MYSM1: variants seen among roughly 807,000 people sequenced by gnomAD.
MYSM1 encodes the protein Myb like, SWIRM and MPN domains 1, also known as deubiquitinase MYSM1.
A neutral mutation model predicts 116.0 loss-of-function variants in MYSM1; 51 were observed. The observed-to-expected ratio is 0.44, with a 90% CI of 0.35 to 0.56. The LOEUF is 0.56. Among genes scored for constraint, MYSM1 ranks in the 20% least tolerant of loss-of-function variants. MYSM1 has a pLI of 0.00. For missense variants in MYSM1, 900 were observed against 974.9 expected (o/e 0.92, Z 1.02); for synonymous variants, 313 against 315.2 (o/e 0.99, Z 0.07).
At chr1:58,661,555 A>C in intron 17 of MYSM1, 44 bp from the exon 18 acceptor site, 1 of 1,087,596 alleles carries the variant, frequency 9.2e-7, no homozygotes, top group South Asian at 1.3e-5. Context: ...CTATTTCTTA[A>C]CTCTCCAATC....
intron 1 of MYSM1, among the ~76,000 whole-genome samples, 185 bp from the exon 2 acceptor site, chr1:58,695,392 T>C (rs1644960075): frequency 6.6e-6 from 1 of 152,178 alleles, no homozygotes; most frequent in Admixed American, 6.5e-5. Context: ...GTGAAACACG[T>C]GGTAGTGCTA....
chr1:58,676,661 A>G, intron 9 of MYSM1: 1 of 242,728 alleles, frequency 4.1e-6, no homozygotes, highest in South Asian at 5.3e-5. Context: ...TTTATCTGCT[A>G]AAGAACTGTA....
chr1:58,665,666 T>G (rs1454423157), intron 16 of MYSM1, 35 bp from the exon 17 acceptor site: 1 of 1,373,070 alleles, frequency 7.3e-7, no homozygotes, highest in South Asian at 1.3e-5. Flanking sequence ...TAGTTTCAAC[T>G]ATATAAATTC....
intron 11 of MYSM1, 136 bp downstream of exon 11, chr1:58,673,437 C>T (rs899107401): frequency 4.2e-6 from 3 of 719,960 alleles, no homozygotes; most frequent in Non-Finnish European, 6.9e-6. Flanking sequence ...CTGGTGACTT[C>T]CAGACAAATT....
intron 2 of MYSM1, among the ~76,000 whole-genome samples, chr1:58,694,601 CAAAG>C (rs1044346253): frequency 1.0e-4 from 15 of 148,506 alleles, no homozygotes; most frequent in African/African-American, 3.7e-4. Context: ...AGCCTGGCGA[CAAAG>C]AGACTGCATC....
chr1:58,687,752 T>C (rs887810120), intron 6 of MYSM1, among the ~76,000 whole-genome samples: 1 of 152,194 alleles, frequency 6.6e-6, no homozygotes, highest in Non-Finnish European at 1.5e-5. Flanking sequence ...TGCCTCATCA[T>C]GGGAACATCT....
rs1644306674 is a variant in MYSM1, at chr1:58,655,415, T to TTCTGTTTAGAGC, written c.*4581_*4582insGCTCTAAACAGA. 6.6e-6 allele frequency: 1 copy of TTCTGTTTAGAGC among 152,178 alleles called. No homozygotes were observed. The highest frequency in any genetic ancestry group is 2.4e-5 in the African/African-American group (1 of 41,456). 9.4% of individuals were successfully genotyped at this position (152,178 alleles called of 1,614,324 possible). On this transcript the variant is annotated 3_prime_UTR_variant, in exon 20 of 20. Transcript: ENST00000472487. ...CAGATACTACAACTTAATTTTTACC[T>TTCTGTTTAGAGC]TCTCAAACTTCTGTTTAGAGCTCTT... is the stretch of plus-strand genomic sequence containing the variant.
intron 19 of MYSM1, 53 bp from the exon 20 acceptor site, chr1:58,660,208 G>A: frequency 8.4e-7 from 1 of 1,195,706 alleles, no homozygotes; most frequent in Non-Finnish European, 1.1e-6. Flanking sequence ...ATGAGGGTTT[G>A]CATTACTATC....
At chr1:58,663,547 G>A (rs1351573227) in intron 17 of MYSM1, among the ~76,000 whole-genome samples, 2 of 152,202 alleles carry the variant, frequency 1.3e-5, no homozygotes, top group Admixed American at 1.3e-4. Flanking sequence ...AAAGACCTAG[G>A]ATTAAGATCT....
intron 19 of MYSM1, among the ~76,000 whole-genome samples, chr1:58,660,423 C>A (rs1344258578): frequency 6.6e-6 from 1 of 152,038 alleles, no homozygotes; most frequent in African/African-American, 2.4e-5. Context: ...CTTTCTACTT[C>A]GGACGTATTT....
rs1212400681 is a variant in MYSM1, at chr1:58,685,208, C to T, written c.443G>A (p.Gly148Glu). Residue 148 changes from glycine (G) to glutamate (E), a missense_variant, in exon 7 of 20, where the codon GGA (glycine) becomes GAA (glutamate). Around this residue, in one of 3 missense-constraint regions of MYSM1, gnomAD observed 622 missense variants for 623.7 expected, o/e 1.00. Transcript: ENST00000472487. ...RRWTKISKLI[G>E]SRTVLQVKSY... Reference sequence around the variant, plus strand: ...CTTCACTTGTAAAACAGTGCGGCTTCCAATTAGCTTTGAAATTTTGGTCCA... The same window carrying T: ...CTTCACTTGTAAAACAGTGCGGCTTTCAATTAGCTTTGAAATTTTGGTCCA... 3 of 1,608,240 alleles carry T rather than the reference C, an allele frequency of 1.9e-6. No individual in the cohort carries two copies. Among genetic ancestry groups the T allele is most frequent in the Non-Finnish European group, 8.5e-7 (1 of 1,178,246 alleles).
chr1:58,682,474 A>G lies in MYSM1; in HGVS notation c.570T>C (p.Asp190=). The change falls in exon 8 of 20, where the codon GAT becomes GAC. Residue 190 remains aspartate, a synonymous_variant. Transcript: ENST00000472487. ...TGHNLQVKNE[D]KGTKAWTPSC... ...ATGGTGTCCATGCCTTTGTCCCTTTATCTTCATTTTTAACTTGAAGATTAT... is the reference window on the plus strand; with the variant it reads ...ATGGTGTCCATGCCTTTGTCCCTTTGTCTTCATTTTTAACTTGAAGATTAT... 1.2e-6 allele frequency: 2 copies of G among 1,613,892 alleles called. No individual in the cohort carries two copies. Among genetic ancestry groups the G allele is most frequent in the Non-Finnish European group, 1.7e-6 (2 of 1,179,938 alleles).
chr1:58,670,041 T>C (rs1210262044), intron 12 of MYSM1, among the ~76,000 whole-genome samples: 1 of 152,098 alleles, frequency 6.6e-6, no homozygotes, highest in Non-Finnish European at 1.5e-5. Flanking sequence ...ACATTCGCAT[T>C]AACACAACTG....
At position 58,682,678 on chromosome 1, in the gene MYSM1, C is replaced by T. The variant is rs897809503; in HGVS notation, c.499-133G>A. On this transcript the variant is annotated intron_variant, in intron 7 of 19. Transcript: ENST00000472487. ...TAAATGGTACATTATACCTCTAATGCGCTTTTCTTTTTTTTCTTTTCTTTT... is the reference window on the plus strand; with the variant it reads ...TAAATGGTACATTATACCTCTAATGTGCTTTTCTTTTTTTTCTTTTCTTTT... The T allele has an allele frequency of 4.3e-5, 33 of 763,582 alleles. No homozygotes were observed. The Admixed American group carries it at 5.6e-4, about 13-fold the overall frequency. 47.3% of individuals were successfully genotyped at this position (763,582 alleles called of 1,614,324 possible). A position where few individuals can be genotyped will look rare whatever the true frequency, so the allele number is the denominator to read the frequency against.
chr1:58,661,023 T>C lies in MYSM1; in HGVS notation c.2328+147A>G, dbSNP rs1000374510. On this transcript the variant is annotated intron_variant, in intron 19 of 19. Coordinates refer to ENST00000472487, the MANE Select transcript of MYSM1 (RefSeq NM_001085487.3). ...ACAAAAAACGTTACTAATTATCTCC[T>C]AGAAATTAATTTTCCAAAGGAAAAA... 4 of 624,272 alleles carry C rather than the reference T, an allele frequency of 6.4e-6. No homozygotes were observed. In the African/African-American group the frequency reaches 7.4e-5, roughly 12 times the overall value. The allele number at this position is 624,272 out of a possible 1,614,324, so 38.7% of individuals were successfully genotyped here. A position where few individuals can be genotyped will look rare whatever the true frequency, so the allele number is the denominator to read the frequency against.
chr1:58,667,954 C>T (rs376840698), intron 14 of MYSM1, 33 bp from the exon 15 acceptor site: 75 of 1,451,068 alleles, frequency 5.2e-5, no homozygotes, highest in Admixed American at 1.2e-4. Flanking sequence ...TTAGCCCAAA[C>T]GCACAAACCC....
In MYSM1 at chr1:58,656,912, A is replaced by G. The variant is rs1165997094; in HGVS notation, c.*3085T>C. 5 of 152,200 alleles carry G rather than the reference A, an allele frequency of 3.3e-5. No homozygotes were observed. Among genetic ancestry groups the G allele is most frequent in the African/African-American group, 1.2e-4 (5 of 41,452 alleles). The allele number at this position is 152,200 out of a possible 1,614,324, so 9.4% of individuals were successfully genotyped here. On this transcript the variant is annotated 3_prime_UTR_variant, in exon 20 of 20. Coordinates refer to ENST00000472487, the MANE Select transcript of MYSM1 (RefSeq NM_001085487.3). ...TAAAATATTAATACATTCATTTCAT[A>G]CAGATACAATTGTAAAATATCACTT...
chr1:58,691,263 G>T (rs1473521608), intron 3 of MYSM1, among the ~76,000 whole-genome samples: 1 of 150,888 alleles, frequency 6.6e-6, no homozygotes, highest in Non-Finnish European at 1.5e-5. Flanking sequence ...CTGGGCGACA[G>T]AGCGAGACTC....
Position 58,682,441 on chromosome 1 carries a change from T to C in MYSM1, c.603A>G (p.Leu201=), listed in dbSNP as rs370146318. 268 of 1,614,178 alleles carry C rather than the reference T, an allele frequency of 1.7e-4. No individual in the cohort carries two copies. Among genetic ancestry groups the C allele is most frequent in the Middle Eastern group, 6.6e-4 (4 of 6,062 alleles). The change falls in exon 8 of 20, where the codon TTA becomes TTG. Residue 201 remains leucine (L), a synonymous_variant. Coordinates refer to ENST00000472487, the MANE Select transcript of MYSM1 (RefSeq NM_001085487.3). ...KGTKAWTPSC[L]RGRADPNLNA... is the part of the protein sequence containing the mutation. The stretch of plus-strand genomic sequence containing the variant: ...TCAAGTTGGGATCAGCACGTCCCCT[T>C]AAACATGATGGTGTCCATGCCTTTG...
Sources: allele counts gnomAD v4.1 joint callset (sites outside exome capture counted in the v4.1 genomes callset), GRCh38; gene constraint gnomAD v4.1.1; regional missense constraint gnomAD v4.1.1; transcripts MANE v1.5; gene names NCBI Gene and HGNC (gene_info 2026-07-23, HGNC 2026-07-21).